The following RNF38 variants were observed in gnomAD, a reference collection of about 807,000 sequenced individuals.
RNF38 encodes the protein ring finger protein 38.
RNF38 carries 15 observed loss-of-function variants against 67.2 expected under a neutral mutation model. That is an observed-to-expected ratio of 0.22 (90% CI 0.15 to 0.34). The LOEUF (loss-of-function observed/expected upper bound fraction) is 0.34. Among genes scored for constraint, RNF38 ranks in the 10% least tolerant of loss-of-function variants. The pLI is 1.00. For synonymous variants in RNF38, 220 were observed against 218.8 expected (o/e 1.01, Z -0.05); for missense variants, 524 against 639.9 (o/e 0.82, Z 1.95).
At chr9:36,420,843 C>G (rs910849008) in intron 2 of RNF38, among the ~76,000 whole-genome samples, 1 of 151,922 alleles carries the variant, frequency 6.6e-6, no homozygotes, top group East Asian at 1.9e-4. Context: ...TTGCTGTGCC[C>G]AATATAAATT....
chr9:36,431,599 G>A (rs1181359357), intron 1 of RNF38, among the ~76,000 whole-genome samples: 1 of 152,120 alleles, frequency 6.6e-6, no homozygotes, highest in Non-Finnish European at 1.5e-5. Flanking sequence ...AGGGGAATGG[G>A]CAGAGCTTCC....
intron 2 of RNF38, among the ~76,000 whole-genome samples, chr9:36,385,063 CT>C (rs2133955452): frequency 6.6e-6 from 1 of 152,060 alleles, no homozygotes; most frequent in Admixed American, 6.5e-5. Flanking sequence ...TTGTTCTATG[CT>C]ATGGTAGGTT....
chr9:36,394,433 G>A (rs1253771348), intron 1 of RNF38, among the ~76,000 whole-genome samples: 1 of 152,232 alleles, frequency 6.6e-6, no homozygotes, highest in Non-Finnish European at 1.5e-5. Context: ...AAAACACAAT[G>A]TGTATGTATA....
At chr9:36,482,930 C>T (rs1451173332) in intron 1 of RNF38, among the ~76,000 whole-genome samples, 1 of 152,190 alleles carries the variant, frequency 6.6e-6, no homozygotes, top group African/African-American at 2.4e-5. Flanking sequence ...ATCACCTTTG[C>T]GTGGATTAGA....
chr9:36,406,938 G>A (rs1427512847), intron 2 of RNF38, among the ~76,000 whole-genome samples: 1 of 152,164 alleles, frequency 6.6e-6, no homozygotes, highest in East Asian at 1.9e-4. Flanking sequence ...AAGGCGGGCA[G>A]ATCATTTGAG....
At position 36,468,761 on chromosome 9, in the gene RNF38, G is replaced by A. The variant is rs562989470; in HGVS notation, n.241+18547C>T. On this transcript the variant is annotated intron_variant and non_coding_transcript_variant, in intron 1 of 3. Coordinates refer to the RNF38 transcript ENST00000488058. ...TGGGAGGCAGAGGTTGCAGTGAGCC[G>A]AGATCATGCCACTGCACTCCAGCCT... Among the ~76,000 whole-genome samples the A allele has an allele frequency of 1.7e-3, 258 of 151,986 alleles. 4 individuals are homozygous for A. The highest frequency in any genetic ancestry group is 0.01 in the Middle Eastern group (3 of 294).
intron 1 of RNF38, among the ~76,000 whole-genome samples, chr9:36,477,630 G>A (rs958357135): frequency 2.0e-5 from 3 of 151,524 alleles, no homozygotes; most frequent in Non-Finnish European, 2.9e-5. Context: ...GACCAACCTG[G>A]CTAACATGGT....
chr9:36,454,562 C>T (rs1247778989), intron 1 of RNF38, among the ~76,000 whole-genome samples: 1 of 147,140 alleles, frequency 6.8e-6, no homozygotes, highest in Non-Finnish European at 1.5e-5. Flanking sequence ...ATAAAAATAT[C>T]AATTATACAT....
intron 2 of RNF38, among the ~76,000 whole-genome samples, chr9:36,409,727 T>C (rs896009222): frequency 3.3e-5 from 5 of 152,184 alleles, no homozygotes; most frequent in African/African-American, 1.2e-4. Flanking sequence ...CTAACACGAA[T>C]GGTTTTGCAC....
intron 1 of RNF38, among the ~76,000 whole-genome samples, chr9:36,429,200 A>C (rs1047238655): frequency 6.6e-6 from 1 of 152,380 alleles, no homozygotes; most frequent in African/African-American, 2.4e-5. Context: ...AAGTAAAAAA[A>C]GAATGAAATG....
At chr9:36,375,448 T>G (rs1480040415) in intron 3 of RNF38, among the ~76,000 whole-genome samples, 1 of 152,182 alleles carries the variant, frequency 6.6e-6, no homozygotes, top group Non-Finnish European at 1.5e-5. Flanking sequence ...CACTTTGGCT[T>G]CCCAAAATGT....
chr9:36,468,442 T>C (rs1354503494), intron 1 of RNF38, among the ~76,000 whole-genome samples: 2 of 152,156 alleles, frequency 1.3e-5, no homozygotes, highest in Non-Finnish European at 2.9e-5. Flanking sequence ...AAGAGCCAGG[T>C]AGAAAAGAGT....
chr9:36,440,044 G>C (rs1461742691), intron 1 of RNF38, among the ~76,000 whole-genome samples: 2 of 151,990 alleles, frequency 1.3e-5, no homozygotes, highest in African/African-American at 4.8e-5. Context: ...TCAGGAGTTC[G>C]AGGCCAGCCT....
intron 1 of RNF38, among the ~76,000 whole-genome samples, chr9:36,447,434 C>T (rs1192868466): frequency 1.3e-5 from 2 of 152,064 alleles, no homozygotes; most frequent in African/African-American, 4.8e-5. Context: ...ATTCATTTAC[C>T]GTAAATTCAG....
intron 2 of RNF38, among the ~76,000 whole-genome samples, chr9:36,382,008 T>C (rs1836247421): frequency 6.6e-6 from 1 of 152,228 alleles, no homozygotes; most frequent in African/African-American, 2.4e-5. Context: ...CGTCTCTAAT[T>C]CAGAAAGTCT....
chr9:36,376,841 G>C (rs569027994), intron 2 of RNF38, among the ~76,000 whole-genome samples: 1 of 149,936 alleles, frequency 6.7e-6, no homozygotes. Flanking sequence ...CAGGAGAATC[G>C]CTTGAACCCA....
intron 1 of RNF38, among the ~76,000 whole-genome samples, chr9:36,440,953 C>G (rs1839178067): frequency 6.6e-6 from 1 of 152,250 alleles, no homozygotes; most frequent in South Asian, 2.1e-4. Context: ...CATGGTCTGA[C>G]AGTCTTGAAA....
chr9:36,402,204 G>A (rs1302982335), upstream of RNF38, among the ~76,000 whole-genome samples: 1 of 152,172 alleles, frequency 6.6e-6, no homozygotes, highest in Admixed American at 6.5e-5. Flanking sequence ...CAAACAAAGA[G>A]AAGCTGGAAA....
At chr9:36,438,273 C>A (rs1839115345) in intron 1 of RNF38, among the ~76,000 whole-genome samples, 1 of 152,002 alleles carries the variant, frequency 6.6e-6, no homozygotes, top group Non-Finnish European at 1.5e-5. Flanking sequence ...TCAAAGTAGT[C>A]CAAGATTCTC....
Sources: gnomAD v4.1 joint callset for allele counts (sites outside exome capture counted in the v4.1 genomes callset) on GRCh38, gnomAD v4.1.1 for gene constraint, MANE v1.5 for transcripts, NCBI Gene and HGNC (gene_info 2026-07-23, HGNC 2026-07-21) for gene names.